Variants in ITPRID2 observed in about 807,000 individuals in gnomAD.
The protein encoded by ITPRID2 is protein ITPRID2.
In ITPRID2, 60 loss-of-function variants were observed where a neutral mutation model predicts 124.3. The ratio of observed to expected loss-of-function variants is 0.48; its 90% CI spans 0.39 to 0.60. The LOEUF (loss-of-function observed/expected upper bound fraction) is 0.60, where lower values mean the gene tolerates loss of function less well. Ranked by LOEUF, ITPRID2 falls within the 20% of genes least tolerant of loss-of-function variation. The probability of loss-of-function intolerance (pLI) is 0.00; values close to 1 mark genes in which losing one functional copy is unlikely to be tolerated. For synonymous variants in ITPRID2, 521 were observed against 542.9 expected, an observed-to-expected ratio of 0.96 and a Z score of 0.56; for missense variants, 1,553 against 1,512.2, an observed-to-expected ratio of 1.03 and a Z score of -0.45.
chr2:181,913,750 ATC>A (rs1693809178), intron 9 of ITPRID2, 93 bp from the exon 10 acceptor site: 2 of 772,738 alleles, frequency 2.6e-6, no homozygotes, highest in Non-Finnish European at 4.1e-6. Flanking sequence ...TGGGAATCAT[ATC>A]TCTGTAGTAA....
chr2:181,902,149 A>G lies in ITPRID2; in HGVS notation c.1096A>G (p.Ser366Gly), dbSNP rs1692720818. Reference sequence around the variant, plus strand: ...TACAGTTAAAGAAGAAGTCTCTGGTAGTTCAGCAGCTGTTACGGAGAATGC... The same window carrying G: ...TACAGTTAAAGAAGAAGTCTCTGGTGGTTCAGCAGCTGTTACGGAGAATGC... ...LATVKEEVSG[S>G]SAAVTENADS... Residue 366 changes from serine (S) to glycine (G), a missense_variant, in exon 8 of 18, where the codon AGT becomes GGT. Transcript: ENST00000431877. This position sits in a 1 kb window ranked among gnomAD's most constrained non-coding sequence, Gnocchi z 4.4. The G allele has an allele frequency of 6.2e-7, 1 of 1,613,712 alleles. No individual in the cohort carries two copies. The highest frequency in any genetic ancestry group is 2.2e-5 in the East Asian group (1 of 44,872).
At position 181,907,991 on chromosome 2, in the gene ITPRID2, C is replaced by T. The variant is rs1343831989; in HGVS notation, c.1414-1908C>T. ...GAGTAGCATCTTGAAGAATAGAATGCTGATGATATGTGTTTATTAAAGTCA... is the reference window on the plus strand; with the variant it reads ...GAGTAGCATCTTGAAGAATAGAATGTTGATGATATGTGTTTATTAAAGTCA... On this transcript the variant is annotated intron_variant, in intron 8 of 17. Coordinates refer to ENST00000431877, the MANE Select transcript of ITPRID2 (RefSeq NM_001130445.3). The surrounding 1 kb of genome is among the most constrained non-coding windows in gnomAD (Gnocchi z 5.1). Among the ~76,000 whole-genome samples the T allele has an allele frequency of 3.9e-5, 6 of 152,116 alleles. No individual in the cohort carries two copies. The highest frequency in any genetic ancestry group is 3.9e-4 in the Admixed American group (6 of 15,272).
At chr2:181,897,409 T>G (rs1212929917) in intron 4 of ITPRID2, among the ~76,000 whole-genome samples, 1 of 152,006 alleles carries the variant, frequency 6.6e-6, no homozygotes. Flanking sequence ...TTTTCCTGAT[T>G]TTTAGAAAAT....
At position 181,896,854 on chromosome 2, in the gene ITPRID2, A is replaced by G. The variant is rs1289579311; in HGVS notation, c.308-54A>G. 3 of 1,380,386 alleles carry G rather than the reference A, an allele frequency of 2.2e-6. No individual in the cohort carries two copies. Among genetic ancestry groups the G allele is most frequent in the Non-Finnish European group, 3.1e-6 (3 of 974,134 alleles). The allele number at this position is 1,380,386 out of a possible 1,614,324, so 85.5% of individuals were successfully genotyped here. A position where few individuals can be genotyped will look rare whatever the true frequency, so the allele number is the denominator to read the frequency against. On this transcript the variant is annotated intron_variant, in intron 3 of 17. Coordinates refer to ENST00000431877, the MANE Select transcript of ITPRID2 (RefSeq NM_001130445.3). The surrounding 1 kb of genome is among the most constrained non-coding windows in gnomAD (Gnocchi z 4.3). ...AATTTAACTAAAACAGTGATTTTATATGAGGGTGGAGAGGAACAGAACACC... is the reference window on the plus strand; with the variant it reads ...AATTTAACTAAAACAGTGATTTTATGTGAGGGTGGAGAGGAACAGAACACC...
Position 181,905,766 on chromosome 2 carries a change from A to G in ITPRID2, c.1413+3300A>G, listed in dbSNP as rs1181034492. On this transcript the variant is annotated intron_variant, in intron 8 of 17. Coordinates refer to ENST00000431877, the MANE Select transcript of ITPRID2 (RefSeq NM_001130445.3). The surrounding 1 kb of genome is among the most constrained non-coding windows in gnomAD (Gnocchi z 4.1). ...ATTTAACTAATGTACTTGACTTCTC[A>G]TTTTTAGCTGTTAAGTTTTAGGATT... Among the ~76,000 whole-genome samples the G allele has an allele frequency of 6.6e-6, 1 of 152,126 alleles. No homozygotes were observed. The highest frequency in any genetic ancestry group is 1.5e-5 in the Non-Finnish European group (1 of 68,008).
chr2:181,918,637 T>C lies in ITPRID2; in HGVS notation c.2827T>C (p.Tyr943His), dbSNP rs529127961. The C allele has an allele frequency of 1.2e-6, 2 of 1,614,112 alleles. No individual in the cohort carries two copies. The highest frequency in any genetic ancestry group is 2.2e-5 in the South Asian group (2 of 91,088). The change falls in exon 12 of 18, where the codon TAT becomes CAT. Residue 943 changes from tyrosine (Y) to histidine (H), a missense_variant. Transcript: ENST00000431877. Reference sequence around the variant, plus strand: ...AGGACCTGATCCTGCTGCTGCTCCATATAGTACTCAGAAATCATCTGTTCT... The same window carrying C: ...AGGACCTGATCCTGCTGCTGCTCCACATAGTACTCAGAAATCATCTGTTCT... ...MRGPDPAAAP[Y>H]STQKSSVLPL...
chr2:181,928,135 T>G (rs1423374726), intron 16 of ITPRID2, 26 bp from the exon 17 acceptor site: 43 of 1,430,730 alleles, frequency 3.0e-5, no homozygotes, highest in Non-Finnish European at 3.8e-5. Flanking sequence ...TTGGTAAATT[T>G]TTGTTTTATT....
intron 11 of ITPRID2, 91 bp from the exon 12 acceptor site, chr2:181,918,507 A>G (rs931813814): frequency 1.3e-6 from 2 of 1,550,560 alleles, no homozygotes; most frequent in Admixed American, 2.2e-5. Flanking sequence ...AGAAAAATAT[A>G]TAGGCCCCAA....
At chr2:181,912,919 C>G (rs1213425836) in intron 9 of ITPRID2, among the ~76,000 whole-genome samples, 1 of 152,084 alleles carries the variant, frequency 6.6e-6, no homozygotes, top group Non-Finnish European at 1.5e-5. Flanking sequence ...GTAGTTGAAC[C>G]TATTTGGTTG....
rs1459750457 is a variant in ITPRID2 at position 181,892,087 on chromosome 2, G to A, written c.21G>A (p.Ser7=). 1 of 1,554,600 alleles carries A rather than the reference G, an allele frequency of 6.4e-7. No homozygotes were observed. The highest frequency in any genetic ancestry group is 8.7e-7 in the Non-Finnish European group (1 of 1,150,094). The change falls in exon 1 of 18, where the codon TCG becomes TCA. Residue 7 remains serine, a synonymous_variant. Transcript: ENST00000431877. The surrounding 1 kb of genome is among the most constrained non-coding windows in gnomAD (Gnocchi z 5.2). The stretch of plus-strand genomic sequence containing the variant: ...CGGCCATGGACCGGCCCCTGTCGTC[G>A]TCGGCGGAGGCGGAGGAGGAACTGG... MDRPLS[S]SAEAEEELEW...
chr2:181,920,773 T>TC, intron 15 of ITPRID2, 111 bp downstream of exon 15: 1 of 838,002 alleles, frequency 1.2e-6, no homozygotes, highest in Non-Finnish European at 1.8e-6. Flanking sequence ...CATAATTTGA[T>TC]AAATTATTGT....
chr2:181,908,856 G>A (rs1693368172), intron 8 of ITPRID2, among the ~76,000 whole-genome samples: 2 of 151,442 alleles, frequency 1.3e-5, no homozygotes, highest in South Asian at 4.2e-4. Context: ...TTAGCGCTTT[G>A]ATTTTTTTTT....
chr2:181,919,169 T>C lies in ITPRID2; in HGVS notation c.2994-127T>C, dbSNP rs1342055768. The stretch of plus-strand genomic sequence containing the variant: ...GTGGATACACCTATTGTAGTTGATA[T>C]TGTACTAATTTCTAGAACCTGAGAT... On this transcript the variant is annotated intron_variant, in intron 13 of 17. Transcript: ENST00000431877. This position sits in a 1 kb window ranked among gnomAD's most constrained non-coding sequence, Gnocchi z 4.2. 6.6e-6 allele frequency: 7 copies of C among 1,063,322 alleles called. No individual in the cohort carries two copies. Among genetic ancestry groups the C allele is most frequent in the Non-Finnish European group, 8.2e-6 (6 of 731,312 alleles). 65.9% of individuals were successfully genotyped at this position (1,063,322 alleles called of 1,614,324 possible). A position where few individuals can be genotyped will look rare whatever the true frequency, so the allele number is the denominator to read the frequency against.
At position 181,894,656 on chromosome 2, in the gene ITPRID2, C is replaced by T. The variant is rs912881205; in HGVS notation, c.258-1374C>T. ...TCAAATAGTCTTTGTTTCTTAGTGC[C>T]GTCCATATCCTGAATAAAGATACCG... is the stretch of plus-strand genomic sequence containing the variant. On this transcript the variant is annotated intron_variant, in intron 2 of 17. Coordinates refer to ENST00000431877, the MANE Select transcript of ITPRID2 (RefSeq NM_001130445.3). 7.2e-5 allele frequency: 11 copies of T among 152,056 alleles called. No homozygotes were observed. The East Asian group carries it at 9.6e-4, about 13-fold the overall frequency. The allele number at this position is 152,056 out of a possible 1,614,324, so 9.4% of individuals were successfully genotyped here.
chr2:181,891,972 T>A lies in ITPRID2; in HGVS notation c.-95T>A, dbSNP rs1441216163. 1 of 1,056,138 alleles carries A rather than the reference T, an allele frequency of 9.5e-7. No homozygotes were observed. Among genetic ancestry groups the A allele is most frequent in the East Asian group, 7.7e-5 (1 of 13,040 alleles). The allele number at this position is 1,056,138 out of a possible 1,614,324, so 65.4% of individuals were successfully genotyped here. On this transcript the variant is annotated 5_prime_UTR_variant, in exon 1 of 18. Coordinates refer to ENST00000431877, the MANE Select transcript of ITPRID2 (RefSeq NM_001130445.3). Reference sequence around the variant, plus strand: ...CCCGCTTCAGCTCCCCGGGGCCCCCTGCCCGGCCGGGCGCTGACAGCAAGG... The same window carrying A: ...CCCGCTTCAGCTCCCCGGGGCCCCCAGCCCGGCCGGGCGCTGACAGCAAGG...
chr2:181,892,531 T>A lies in ITPRID2; in HGVS notation c.212-84T>A. ...TTAGGCTGCATTTGCCGTGGTAGAT[T>A]TTCCTACTTGGGAGGGTCCAGGGTG... On this transcript the variant is annotated intron_variant, in intron 1 of 17. Transcript: ENST00000431877. This position sits in a 1 kb window ranked among gnomAD's most constrained non-coding sequence, Gnocchi z 5.2. 3 of 1,553,512 alleles carry A rather than the reference T, an allele frequency of 1.9e-6. No individual in the cohort carries two copies. Among genetic ancestry groups the A allele is most frequent in the South Asian group, 2.2e-5 (2 of 89,750 alleles).
chr2:181,901,249 C>T (rs1000267058), intron 7 of ITPRID2, among the ~76,000 whole-genome samples: 1 of 152,144 alleles, frequency 6.6e-6, no homozygotes, highest in African/African-American at 2.4e-5. Context: ...AGGAACTAGT[C>T]TGGCTAATTT....
chr2:181,904,283 T>G (rs1043061641), intron 8 of ITPRID2, among the ~76,000 whole-genome samples: 13 of 152,154 alleles, frequency 8.5e-5, no homozygotes, highest in Non-Finnish European at 8.8e-5. Context: ...CGTGAACATT[T>G]TTTTGAAGTA....
Position 181,910,388 on chromosome 2 carries a change from A to C in ITPRID2, c.1486+417A>C, listed in dbSNP as rs1693506061. Reference sequence around the variant, plus strand: ...AACACATGAATATTCCTCTAGCAAAACCCACCAATTTTTTAGCAATAGTTA... The same window carrying C: ...AACACATGAATATTCCTCTAGCAAACCCCACCAATTTTTTAGCAATAGTTA... On this transcript the variant is annotated intron_variant, in intron 9 of 17. Transcript: ENST00000431877. This position sits in a 1 kb window ranked among gnomAD's most constrained non-coding sequence, Gnocchi z 4.1. 2.0e-6 allele frequency: 1 copy of C among 512,284 alleles called. No homozygotes were observed. Among genetic ancestry groups the C allele is most frequent in the South Asian group, 3.4e-5 (1 of 29,750 alleles). 31.7% of individuals were successfully genotyped at this position (512,284 alleles called of 1,614,324 possible).
Sources: gnomAD v4.1 joint callset for allele counts (sites outside exome capture counted in the v4.1 genomes callset) on GRCh38, gnomAD v4.1.1 for gene constraint, Gnocchi (gnomAD v3.1) non-coding constraint, MANE v1.5 for transcripts, NCBI Gene and HGNC (gene_info 2026-07-23, HGNC 2026-07-21) for gene names.